The following CDH18 variants were observed in gnomAD, a reference collection of about 807,000 sequenced individuals.
CDH18 encodes cadherin 18.
In CDH18, 31 loss-of-function variants were observed where a neutral mutation model predicts 67.9. The observed-to-expected ratio is 0.46, with a 90% CI of 0.34 to 0.62. The LOEUF (loss-of-function observed/expected upper bound fraction) is 0.62, where lower values mean the gene tolerates loss of function less well. Among genes scored for constraint, CDH18 ranks in the 20% least tolerant of loss-of-function variants. The probability of loss-of-function intolerance (pLI) is 0.01; values close to 1 mark genes in which losing one functional copy is unlikely to be tolerated. For synonymous variants in CDH18, 362 were observed against 347.2 expected, an observed-to-expected ratio of 1.04 and a Z score of -0.48; for missense variants, 890 against 975.5, an observed-to-expected ratio of 0.91 and a Z score of 1.17.
At chr5:20,492,098 A>T (rs1753624990) in intron 1 of CDH18, among the ~76,000 whole-genome samples, 1 of 152,150 alleles carries the variant, frequency 6.6e-6, no homozygotes, top group Non-Finnish European at 1.5e-5. Context: ...TTGATAAACA[A>T]ATTATTTACG....
chr5:20,570,791 G>A (rs1276792778), intron 1 of CDH18, among the ~76,000 whole-genome samples: 1 of 152,080 alleles, frequency 6.6e-6, no homozygotes. Context: ...CAAAGTACAG[G>A]TGATTCTATT....
At chr5:20,392,350 C>G (rs1744932885) in intron 1 of CDH18, among the ~76,000 whole-genome samples, 1 of 151,710 alleles carries the variant, frequency 6.6e-6, no homozygotes, top group Admixed American at 6.6e-5. Context: ...TAGAAAAAAA[C>G]TATTCATTTT....
chr5:20,317,239 C>A (rs1737555189), intron 1 of CDH18, among the ~76,000 whole-genome samples: 1 of 151,890 alleles, frequency 6.6e-6, no homozygotes, highest in African/African-American at 2.4e-5. Context: ...AGAACAAATT[C>A]TAGGTAAAGC....
rs1396404008 is a variant in CDH18, at chr5:19,480,364, T to C, written c.1882+2937A>G. 6.3e-5 allele frequency among the ~76,000 whole-genome samples: 9 copies of C among 143,434 alleles called. No homozygotes were observed. In the East Asian group the frequency reaches 1.8e-3, roughly 28 times the overall value. 94.1% of individuals were successfully genotyped at this position (143,434 alleles called of 152,430 possible). ...ATATAAAGTTTATTTTATTTATTTATTTATTTATTTATTTATTTATTTATT... is the reference window on the plus strand; with the variant it reads ...ATATAAAGTTTATTTTATTTATTTACTTATTTATTTATTTATTTATTTATT... On this transcript the variant is annotated intron_variant, in intron 12 of 12. Transcript: ENST00000382275.
intron 2 of CDH18, among the ~76,000 whole-genome samples, chr5:20,095,343 GA>G (rs1326870422): frequency 1.5e-5 from 1 of 66,458 alleles, no homozygotes; most frequent in African/African-American, 4.5e-5. Flanking sequence ...AAGAAAGAAA[GA>G]AAGAAAGAAA....
intron 3 of CDH18, among the ~76,000 whole-genome samples, chr5:19,785,525 A>C (rs1581342327): frequency 6.7e-6 from 1 of 150,054 alleles, no homozygotes; most frequent in African/African-American, 2.5e-5. Flanking sequence ...ATGGTGGTGC[A>C]TGCCTGTAAT....
intron 1 of CDH18, among the ~76,000 whole-genome samples, chr5:20,447,391 A>G (rs538433508): frequency 4.0e-5 from 6 of 151,580 alleles, no homozygotes; most frequent in South Asian, 4.2e-4. Flanking sequence ...AAAAAAAAAA[A>G]GGGCTACACA....
chr5:19,763,994 CAAAAAAAA>C (rs60958986), intron 3 of CDH18, among the ~76,000 whole-genome samples: 13 of 65,302 alleles, frequency 2.0e-4, no homozygotes, highest in African/African-American at 6.2e-4. Context: ...ACTAAAAATA[CAAAAAAAA>C]AAAAAAAAAA....
intron 3 of CDH18, among the ~76,000 whole-genome samples, chr5:19,834,698 T>C (rs975875174): frequency 1.3e-5 from 2 of 152,172 alleles, no homozygotes; most frequent in Admixed American, 1.3e-4. Flanking sequence ...GCTTTAGCTG[T>C]GTCCCAGAGA....
intron 2 of CDH18, among the ~76,000 whole-genome samples, chr5:20,003,564 T>C (rs567186984): frequency 5.9e-5 from 9 of 152,264 alleles, no homozygotes; most frequent in African/African-American, 2.2e-4. Flanking sequence ...TTTTCTCCTC[T>C]ACTAACAAAT....
intron 1 of CDH18, among the ~76,000 whole-genome samples, chr5:20,313,801 C>T (rs1182076660): frequency 6.6e-6 from 1 of 151,970 alleles, no homozygotes; most frequent in Non-Finnish European, 1.5e-5. Context: ...CAGTTTTACA[C>T]ACATACATCT....
At chr5:20,038,186 T>C (rs1437813315) in intron 2 of CDH18, among the ~76,000 whole-genome samples, 1 of 152,002 alleles carries the variant, frequency 6.6e-6, no homozygotes, top group African/African-American at 2.4e-5. Flanking sequence ...AATAACAAGT[T>C]CTGAAATTGA....
At chr5:19,739,579 G>A (rs1460464451) in intron 4 of CDH18, among the ~76,000 whole-genome samples, 1 of 152,204 alleles carries the variant, frequency 6.6e-6, no homozygotes, top group Non-Finnish European at 1.5e-5. Flanking sequence ...TAAACTGTGG[G>A]TGGGTTGGTT....
At chr5:20,429,463 C>A (rs955573015) in intron 1 of CDH18, among the ~76,000 whole-genome samples, 2 of 152,092 alleles carry the variant, frequency 1.3e-5, no homozygotes, top group East Asian at 1.9e-4. Context: ...TTTAACCCAA[C>A]AAAGAAAATC....
At chr5:20,558,606 T>C (rs189641742) in intron 1 of CDH18, among the ~76,000 whole-genome samples, 2 of 152,184 alleles carry the variant, frequency 1.3e-5, no homozygotes, top group African/African-American at 4.8e-5. Flanking sequence ...TAGTTTGTGG[T>C]GTTTGACTGA....
intron 5 of CDH18, among the ~76,000 whole-genome samples, chr5:19,696,463 G>A (rs374818976): frequency 6.0e-4 from 91 of 151,714 alleles, no homozygotes; most frequent in Non-Finnish European, 6.8e-4. Flanking sequence ...GTGGCCCTGC[G>A]AGGCGGAGTT....
intron 2 of CDH18, among the ~76,000 whole-genome samples, chr5:20,174,605 A>G (rs561259732): frequency 2.0e-5 from 3 of 152,316 alleles, no homozygotes; most frequent in African/African-American, 7.2e-5. Flanking sequence ...CCTTGAGAAA[A>G]ATAATAAGCT....
intron 3 of CDH18, among the ~76,000 whole-genome samples, chr5:19,806,416 A>G (rs1342591633): frequency 6.6e-6 from 1 of 152,202 alleles, no homozygotes. Context: ...TTGTTAGTTA[A>G]ATTTATGTTG....
At chr5:20,513,428 CATCT>C (rs2126493040) in intron 1 of CDH18, among the ~76,000 whole-genome samples, 1 of 152,244 alleles carries the variant, frequency 6.6e-6, no homozygotes, top group South Asian at 2.1e-4. Flanking sequence ...GTTGTTAACT[CATCT>C]ATATTTCCCC....
Sources: gnomAD v4.1 joint callset for allele counts (sites outside exome capture counted in the v4.1 genomes callset) on GRCh38, gnomAD v4.1.1 for gene constraint, MANE v1.5 for transcripts, NCBI Gene and HGNC (gene_info 2026-07-23, HGNC 2026-07-21) for gene names.